Variants in DAB1 observed in about 807,000 individuals in gnomAD.
DAB1 encodes disabled homolog 1.
In DAB1, 15 loss-of-function variants were observed where a neutral mutation model predicts 64.6. The observed-to-expected ratio is 0.23, with a 90% CI of 0.16 to 0.36. The LOEUF is 0.36. DAB1 is among the 10% of genes least tolerant of loss of function. The pLI is 1.00. For missense variants in DAB1, 596 were observed against 706.7 expected, an observed-to-expected ratio of 0.84 and a Z score of 1.78; for synonymous variants, 235 against 251.9, an observed-to-expected ratio of 0.93 and a Z score of 0.64.
intron 5 of DAB1, among the ~76,000 whole-genome samples, chr1:57,914,031 G>A (rs1356713692): frequency 6.6e-6 from 1 of 152,222 alleles, no homozygotes; most frequent in Non-Finnish European, 1.5e-5. Context: ...GTGGAAGTCA[G>A]TGTGGTGATT....
intron 4 of DAB1, among the ~76,000 whole-genome samples, chr1:57,097,852 A>G (rs1353662944): frequency 6.6e-6 from 1 of 151,938 alleles, no homozygotes; most frequent in Admixed American, 6.6e-5. Flanking sequence ...ATCTCAGCTC[A>G]CTGCAAGCTC....
At chr1:58,025,972 A>G (rs981037413) in intron 5 of DAB1, among the ~76,000 whole-genome samples, 11 of 151,988 alleles carry the variant, frequency 7.2e-5, no homozygotes, top group Non-Finnish European at 1.6e-4. Context: ...ATGTCACCCC[A>G]AACACTCATC....
chr1:57,409,047 A>C (rs960914656), intron 1 of DAB1, among the ~76,000 whole-genome samples: 3 of 152,048 alleles, frequency 2.0e-5, no homozygotes, highest in South Asian at 2.1e-4. Context: ...ATGGTTTCAG[A>C]ACATCCATGT....
intron 4 of DAB1, among the ~76,000 whole-genome samples, chr1:58,342,100 C>T (rs1209985154): frequency 6.6e-6 from 1 of 152,146 alleles, no homozygotes; most frequent in East Asian, 1.9e-4. Flanking sequence ...AGATGACTGC[C>T]CAGCTCTGAG....
intron 2 of DAB1, among the ~76,000 whole-genome samples, chr1:57,218,194 C>T (rs892311466): frequency 1.3e-5 from 2 of 152,138 alleles, no homozygotes; most frequent in African/African-American, 4.8e-5. Context: ...AGACACAGCA[C>T]ATGCAAAGGC....
In DAB1 at chr1:57,959,785, C is replaced by G. The variant is rs185450701; in HGVS notation, n.388-75623G>C. The stretch of plus-strand genomic sequence containing the variant: ...CAGGCTGGGATCGGTTTCCTAAATG[C>G]CTTTATGCTTTGGAAGCTGAGAGTT... On this transcript the variant is annotated intron_variant and non_coding_transcript_variant, in intron 5 of 20. Coordinates refer to the DAB1 transcript ENST00000485760. 3.8e-3 allele frequency among the ~76,000 whole-genome samples: 586 copies of G among 152,238 alleles called. 16 individuals carry two copies. Among genetic ancestry groups the G allele is most frequent in the Admixed American group, 0.034 (519 of 15,286 alleles).
At chr1:57,329,678 A>G (rs1377506925) in intron 1 of DAB1, among the ~76,000 whole-genome samples, 1 of 146,736 alleles carries the variant, frequency 6.8e-6, no homozygotes, top group Non-Finnish European at 1.5e-5. Flanking sequence ...AAAAAAAAAA[A>G]AACCCACAAA....
chr1:57,379,816 C>T (rs372610872), intron 1 of DAB1, among the ~76,000 whole-genome samples: 69 of 152,302 alleles, frequency 4.5e-4, no homozygotes, highest in African/African-American at 1.5e-3. Context: ...AGAAAGATAT[C>T]CAACCTTCAT....
Position 57,360,273 on chromosome 1 carries a change from A to T in DAB1, c.-137+63657T>A, listed in dbSNP as rs571976964. Among the ~76,000 whole-genome samples the T allele has an allele frequency of 5.9e-5, 9 of 152,256 alleles. No individual in the cohort carries two copies. The South Asian group carries it at 1.9e-3, about 32-fold the overall frequency. On this transcript the variant is annotated intron_variant, in intron 1 of 14. Coordinates refer to ENST00000371236, the MANE Select transcript of DAB1 (RefSeq NM_001365792.1). ...AAAAATTTAAACTCCAAAAAGTACT[A>T]GGCGGTATTACAAACAGAAAAAACC...
At chr1:58,232,226 T>C (rs1488611292) in intron 4 of DAB1, among the ~76,000 whole-genome samples, 1 of 152,092 alleles carries the variant, frequency 6.6e-6, no homozygotes, top group Non-Finnish European at 1.5e-5. Flanking sequence ...CAAAAATGAT[T>C]AAAGAGCTCT....
chr1:57,448,850 C>T (rs1026847479), intron 7 of DAB1, among the ~76,000 whole-genome samples: 4 of 152,082 alleles, frequency 2.6e-5, no homozygotes, highest in African/African-American at 9.7e-5. Context: ...AAGCCTTACA[C>T]TGTTATTGAC....
chr1:58,470,422 C>T (rs548820769), intron 3 of DAB1, among the ~76,000 whole-genome samples: 21 of 152,222 alleles, frequency 1.4e-4, no homozygotes, highest in African/African-American at 5.1e-4. Context: ...GATCCGCCTG[C>T]CTTGGCCTCC....
chr1:57,306,752 A>T (rs750227178), intron 1 of DAB1: 3 of 152,160 alleles, frequency 2.0e-5, no homozygotes, highest in Non-Finnish European at 2.9e-5. Flanking sequence ...ACATTTTTAA[A>T]AATGGACTCT....
chr1:57,133,166 G>A lies in DAB1; in HGVS notation c.306+3377C>T, dbSNP rs117806305. Among the ~76,000 whole-genome samples the A allele has an allele frequency of 7.7e-4, 117 of 152,292 alleles. 1 individual carries two copies. The highest frequency in any genetic ancestry group is 2.4e-3 in the African/African-American group (101 of 41,568). ...ATTCAAATGAATAAGCAAAATTCAC[G>A]TTTCTGTGGCAACAAGGATGTTGCG... On this transcript the variant is annotated intron_variant, in intron 4 of 14. Transcript: ENST00000371236.
chr1:58,249,308 T>TC (rs2100400179), intron 4 of DAB1, among the ~76,000 whole-genome samples: 1 of 150,796 alleles, frequency 6.6e-6, no homozygotes, highest in African/African-American at 2.4e-5. Flanking sequence ...TCGGAACAGC[T>TC]CCCCCCGCCC....
At chr1:57,028,852 A>G (rs954231158) in intron 9 of DAB1, among the ~76,000 whole-genome samples, 5 of 152,192 alleles carry the variant, frequency 3.3e-5, no homozygotes, top group Non-Finnish European at 5.9e-5. Context: ...GGGTGCTGTT[A>G]AAAGCATTCA....
intron 6 of DAB1, among the ~76,000 whole-genome samples, chr1:57,798,453 T>C (rs1000929736): frequency 1.3e-5 from 2 of 152,192 alleles, no homozygotes; most frequent in Non-Finnish European, 2.9e-5. Context: ...ACTAAGATCT[T>C]CTCAGAAGTC....
At chr1:57,040,808 A>T (rs747107928) in intron 9 of DAB1, among the ~76,000 whole-genome samples, 19 of 152,380 alleles carry the variant, frequency 1.2e-4, no homozygotes, top group Middle Eastern at 3.4e-3. Context: ...AAGATTTGGC[A>T]TCAGTTCAGT....
At chr1:58,177,200 T>C (rs918918870) in intron 4 of DAB1, among the ~76,000 whole-genome samples, 4 of 152,158 alleles carry the variant, frequency 2.6e-5, no homozygotes, top group Admixed American at 2.0e-4. Context: ...CCTAAAGTCC[T>C]TGGGAACCGA....
Sources: gnomAD v4.1 joint callset for allele counts (sites outside exome capture counted in the v4.1 genomes callset) on GRCh38, gnomAD v4.1.1 for gene constraint, MANE v1.5 for transcripts, NCBI Gene and HGNC (gene_info 2026-07-23, HGNC 2026-07-21) for gene names.